The following BMAL1 variants were observed in gnomAD, a reference collection of about 807,000 sequenced individuals.
The protein encoded by BMAL1 is basic helix-loop-helix ARNT-like protein 1.
the BMAL1 span, among the ~76,000 whole-genome samples, chr11:13,383,932 C>T: frequency 6.6e-6 from 1 of 152,130 alleles, no homozygotes; most frequent in East Asian, 1.9e-4. Flanking sequence ...TTCTCAAGCA[C>T]ACATCTTTTT....
At chr11:13,315,837 T>A in the BMAL1 span, among the ~76,000 whole-genome samples, 10 of 152,178 alleles carry the variant, frequency 6.6e-5, no homozygotes, top group African/African-American at 1.9e-4. Flanking sequence ...CCACAGCTGC[T>A]TCTTGCCTTT....
the BMAL1 span, among the ~76,000 whole-genome samples, chr11:13,303,272 C>A: frequency 6.6e-6 from 1 of 152,124 alleles, no homozygotes; most frequent in Admixed American, 6.5e-5. Context: ...CTGCAACAGG[C>A]TGAGAACTGT....
the BMAL1 span, chr11:13,355,249 A>G: frequency 6.2e-7 from 1 of 1,613,876 alleles, no homozygotes; most frequent in Non-Finnish European, 8.5e-7. Flanking sequence ...TTTGGGGAGC[A>G]CAATGGCTGG....
the BMAL1 span, among the ~76,000 whole-genome samples, chr11:13,295,915 T>G: frequency 6.6e-5 from 10 of 152,126 alleles, no homozygotes; most frequent in African/African-American, 2.4e-4. Context: ...CCACCCCCAG[T>G]CCCCTTCCTG....
At chr11:13,315,684 C>T in the BMAL1 span, among the ~76,000 whole-genome samples, 2 of 152,142 alleles carry the variant, frequency 1.3e-5, no homozygotes, top group Non-Finnish European at 2.9e-5. Flanking sequence ...GTCATGACCT[C>T]GGTTTGTGTG....
At chr11:13,290,592 T>A in the BMAL1 span, among the ~76,000 whole-genome samples, 2 of 144,812 alleles carry the variant, frequency 1.4e-5, no homozygotes, top group Non-Finnish European at 1.5e-5. Context: ...ATTATTATTA[T>A]TAATAGCAGT....
At chr11:13,288,927 G>A in the BMAL1 span, among the ~76,000 whole-genome samples, 2 of 152,210 alleles carry the variant, frequency 1.3e-5, no homozygotes, top group African/African-American at 4.8e-5. Context: ...TCTCCAGACA[G>A]AAAGTGCCAC....
the BMAL1 span, among the ~76,000 whole-genome samples, chr11:13,322,381 C>T: frequency 7.9e-5 from 12 of 152,200 alleles, no homozygotes; most frequent in African/African-American, 2.4e-4. Context: ...TGTTAAGAAA[C>T]TCCTCAAAGG....
the BMAL1 span, among the ~76,000 whole-genome samples, chr11:13,374,973 C>G: frequency 6.6e-6 from 1 of 152,316 alleles, no homozygotes; most frequent in Non-Finnish European, 1.5e-5. Context: ...ACTGGCCTCT[C>G]CCCAACCAGA....
the BMAL1 span, among the ~76,000 whole-genome samples, chr11:13,352,504 T>C: frequency 3.9e-5 from 6 of 152,202 alleles, no homozygotes; most frequent in African/African-American, 1.2e-4. Flanking sequence ...TTTCTTTTTT[T>C]CTCTTTAGAC....
the BMAL1 span, among the ~76,000 whole-genome samples, chr11:13,360,003 C>A: frequency 2.3e-3 from 353 of 152,130 alleles, 1 homozygote; most frequent in Middle Eastern, 6.8e-3. Context: ...GGAGGGAACT[C>A]TCTGAGGAGC....
chr11:13,383,408 C>T, the BMAL1 span, among the ~76,000 whole-genome samples: 2 of 152,128 alleles, frequency 1.3e-5, no homozygotes, highest in Non-Finnish European at 1.5e-5. Flanking sequence ...ATAATGTGCA[C>T]TATTCATACT....
chr11:13,313,836 G>A, the BMAL1 span, among the ~76,000 whole-genome samples: 10 of 152,052 alleles, frequency 6.6e-5, no homozygotes, highest in African/African-American at 1.7e-4. Flanking sequence ...CCCCTTCAGC[G>A]GGGCCTGCAG....
the BMAL1 span, among the ~76,000 whole-genome samples, chr11:13,365,192 T>C: frequency 3.3e-5 from 5 of 151,888 alleles, no homozygotes; most frequent in Non-Finnish European, 7.4e-5. Context: ...CATGATACCT[T>C]CAAAAGAACA....
the BMAL1 span, among the ~76,000 whole-genome samples, chr11:13,314,812 G>C: frequency 6.6e-6 from 1 of 152,110 alleles, no homozygotes; most frequent in Non-Finnish European, 1.5e-5. Flanking sequence ...GGGTGCCTGA[G>C]GGCCTCTTTG....
chr11:13,383,475 A>G, the BMAL1 span, among the ~76,000 whole-genome samples: 1 of 152,220 alleles, frequency 6.6e-6, no homozygotes, highest in East Asian at 1.9e-4. Flanking sequence ...AAGTGGCACC[A>G]AACTATACTA....
the BMAL1 span, chr11:13,355,441 C>G: frequency 1.2e-6 from 1 of 805,360 alleles, no homozygotes; most frequent in Middle Eastern, 3.6e-4. Context: ...CTTGAGCAAG[C>G]GCTAAGGGAG....
At chr11:13,386,607 C>T in the BMAL1 span, 1 of 1,612,768 alleles carries the variant, frequency 6.2e-7, no homozygotes, top group Non-Finnish European at 8.5e-7. Context: ...TGAGAACCCC[C>T]ACATAGGTAT....
chr11:13,363,127 C>T, the BMAL1 span, among the ~76,000 whole-genome samples: 4 of 109,872 alleles, frequency 3.6e-5, no homozygotes, highest in Non-Finnish European at 5.6e-5. Context: ...GTCTTTATTT[C>T]ATATATATAT....
Sources: allele counts gnomAD v4.1 joint callset (sites outside exome capture counted in the v4.1 genomes callset), GRCh38; gene constraint gnomAD v4.1.1; transcripts MANE v1.5; gene names NCBI Gene and HGNC (gene_info 2026-07-23, HGNC 2026-07-21).